The following TBCD variants were observed in gnomAD, a reference collection of about 807,000 sequenced individuals.
The protein encoded by TBCD is tubulin folding cofactor D.
TBCD carries 105 observed loss-of-function variants against 169.3 expected under a neutral mutation model. The ratio of observed to expected loss-of-function variants is 0.62; its 90% CI spans 0.53 to 0.73. The LOEUF (loss-of-function observed/expected upper bound fraction) is 0.73. Ranked by LOEUF, TBCD falls within the 30% of genes least tolerant of loss-of-function variation. The pLI is 0.00. For synonymous variants in TBCD, 700 were observed against 643.9 expected (o/e 1.09, Z -1.32); for missense variants, 1,444 against 1,600.1 (o/e 0.90, Z 1.66).
chr17:82,797,774 T>C lies in TBCD; in HGVS notation c.789T>C (p.His263=), dbSNP rs1390640311. 1 of 1,567,622 alleles carries C rather than the reference T, an allele frequency of 6.4e-7. No individual in the cohort carries two copies. The highest frequency in any genetic ancestry group is 8.6e-7 in the Non-Finnish European group (1 of 1,162,048). ...TTTTTTAGGCACAAATATTTAAACA[T>C]GGAAAACGTGAAGACTGTTTGCCCT... ...TLQALAQIFK[H]GKREDCLPYA... Residue 263 remains histidine (H), a synonymous_variant, in exon 8 of 39, where the codon CAT becomes CAC. Transcript: ENST00000355528.
intron 7 of TBCD, among the ~76,000 whole-genome samples, chr17:82,793,973 G>A (rs2049928638): frequency 6.6e-6 from 1 of 152,202 alleles, no homozygotes; most frequent in Non-Finnish European, 1.5e-5. Context: ...GGGCCACAGG[G>A]TGACCCGCTG....
chr17:82,832,520 T>C lies in TBCD; in HGVS notation c.1318+17586T>C. The C allele has an allele frequency of 6.9e-7, 1 of 1,443,964 alleles. No homozygotes were observed. Among genetic ancestry groups the C allele is most frequent in the Non-Finnish European group, 9.6e-7 (1 of 1,039,616 alleles). 89.4% of individuals were successfully genotyped at this position (1,443,964 alleles called of 1,614,324 possible). ...TGATCACTGTCGACGCCGCGTGCAC[T>C]TCGTGGTTTCTAAAGAGGCACCTCC... is the stretch of plus-strand genomic sequence containing the variant. On this transcript the variant is annotated intron_variant, in intron 13 of 38. Transcript: ENST00000355528. The surrounding 1 kb of genome is among the most constrained non-coding windows in gnomAD (Gnocchi z 4.9).
intron 38 of TBCD, 192 bp from the exon 39 acceptor site, chr17:82,942,257 C>T (rs931563763): frequency 8.0e-5 from 55 of 689,954 alleles, no homozygotes; most frequent in East Asian, 1.9e-4. Context: ...GGTGCCCTTC[C>T]GAGGACACGT....
At chr17:82,858,758 G>A (rs1342293045) in intron 13 of TBCD, 13 of 619,348 alleles carry the variant, frequency 2.1e-5, no homozygotes, top group South Asian at 1.4e-4. Flanking sequence ...AGGGCCTGTC[G>A]GTGTGAACGG....
Position 82,831,914 on chromosome 17 carries a change from T to C in TBCD, c.1318+16980T>C. On this transcript the variant is annotated intron_variant, in intron 13 of 38. Transcript: ENST00000355528. The surrounding 1 kb of genome is among the most constrained non-coding windows in gnomAD (Gnocchi z 4.6). Reference sequence around the variant, plus strand: ...GCAGTGGGGTTGTGTAAAGCCAGTGTCTCGGGCGCCTCGGCGTTGTCTGGC... The same window carrying C: ...GCAGTGGGGTTGTGTAAAGCCAGTGCCTCGGGCGCCTCGGCGTTGTCTGGC... The C allele has an allele frequency of 6.2e-7, 1 of 1,614,178 alleles. No homozygotes were observed. The highest frequency in any genetic ancestry group is 8.5e-7 in the Non-Finnish European group (1 of 1,180,030).
At chr17:82,892,270 G>A (rs538404313) in intron 16 of TBCD, among the ~76,000 whole-genome samples, 8 of 152,238 alleles carry the variant, frequency 5.3e-5, no homozygotes, top group Admixed American at 3.9e-4. Context: ...GCTGTGATGT[G>A]GGGCATGGAG....
chr17:82,924,242 C>T (rs2061586575), intron 26 of TBCD, among the ~76,000 whole-genome samples: 1 of 152,224 alleles, frequency 6.6e-6, no homozygotes, highest in Non-Finnish European at 1.5e-5. Flanking sequence ...GTGTGAGCCA[C>T]TGCACTCGGT....
intron 13 of TBCD, among the ~76,000 whole-genome samples, chr17:82,859,026 G>T (rs1404834852): frequency 6.6e-6 from 1 of 152,246 alleles, no homozygotes; most frequent in African/African-American, 2.4e-5. Context: ...GTCTTTGCTC[G>T]GGGCCCCGAG....
chr17:82,942,111 G>C (rs905034325), intron 38 of TBCD: 1 of 442,156 alleles, frequency 2.3e-6, no homozygotes, highest in African/African-American at 2.0e-5. Flanking sequence ...CCCCATTTCT[G>C]TGTGTGTAAA....
intron 32 of TBCD, 62 bp downstream of exon 32, chr17:82,929,562 G>C: frequency 1.3e-6 from 2 of 1,592,006 alleles, no homozygotes; most frequent in East Asian, 2.2e-5. Context: ...GTGCTTCCCT[G>C]TCTCTTGGGA....
chr17:82,791,091 C>CT (rs35648641), intron 7 of TBCD, among the ~76,000 whole-genome samples: 60,399 of 124,482 alleles, frequency 0.49, 15,800 homozygotes, highest in South Asian at 0.61. Flanking sequence ...TCTCTTGCAT[C>CT]TTTTTTTTTT....
At chr17:82,919,781 C>T (rs1002793249) in intron 23 of TBCD, among the ~76,000 whole-genome samples, 1 of 152,078 alleles carries the variant, frequency 6.6e-6, no homozygotes, top group East Asian at 1.9e-4. Flanking sequence ...GTATCTGTGA[C>T]GATGGGAAGT....
chr17:82,907,238 G>C (rs964348222), intron 20 of TBCD, among the ~76,000 whole-genome samples: 2 of 152,252 alleles, frequency 1.3e-5, no homozygotes, highest in Non-Finnish European at 2.9e-5. Flanking sequence ...GATCTCGCCA[G>C]GGACCTTCCC....
intron 8 of TBCD, among the ~76,000 whole-genome samples, chr17:82,800,123 T>C (rs1010142286): frequency 3.3e-5 from 5 of 151,624 alleles, no homozygotes; most frequent in African/African-American, 1.2e-4. Context: ...TCTTTTCTCC[T>C]GTCCCCTGTC....
rs1250199188 is a variant in TBCD, at chr17:82,789,384, G to A, written c.771+7663G>A. On this transcript the variant is annotated intron_variant, in intron 7 of 38. Transcript: ENST00000355528. The surrounding 1 kb of genome is among the most constrained non-coding windows in gnomAD (Gnocchi z 4.8). ...TGGCGCGACCTGCTCACAGACGTGT[G>A]CTCACAGGCAGCCCGTCGCGGGGTC... is the stretch of plus-strand genomic sequence containing the variant. Among the ~76,000 whole-genome samples, 1 of 152,222 alleles carries A rather than the reference G, an allele frequency of 6.6e-6. No homozygotes were observed. Among genetic ancestry groups the A allele is most frequent in the Non-Finnish European group, 1.5e-5 (1 of 68,034 alleles).
intron 17 of TBCD, among the ~76,000 whole-genome samples, chr17:82,899,235 A>ATGTCCTCAGCGCACG (rs1376276147): frequency 4.4e-5 from 6 of 135,470 alleles, no homozygotes; most frequent in Admixed American, 1.5e-4. Context: ...TCCTCAGCGC[A>ATGTCCTCAGCGCACG]TGTCCTCAGC....
At position 82,884,187 on chromosome 17, in the gene TBCD, C is replaced by T; in HGVS notation, c.1518C>T (p.Cys506=). The change falls in exon 15 of 39, where the codon TGC becomes TGT. Residue 506 remains cysteine, a synonymous_variant. Transcript: ENST00000355528. This position sits in a 1 kb window ranked among gnomAD's most constrained non-coding sequence, Gnocchi z 4.2. ...CGGTGTTTGACCGAGACATAAACTG[C>T]AGAAGAGCAGCCTCTGTAAGTTTTC... ...IAAVFDRDIN[C]RRAASAAFQE... is the part of the protein sequence containing the mutation. 1 of 1,610,124 alleles carries T rather than the reference C, an allele frequency of 6.2e-7. No homozygotes were observed. The highest frequency in any genetic ancestry group is 1.1e-5 in the South Asian group (1 of 90,196).
At chr17:82,822,831 T>C (rs1372991779) in intron 13 of TBCD, among the ~76,000 whole-genome samples, 4 of 152,180 alleles carry the variant, frequency 2.6e-5, no homozygotes, top group Admixed American at 2.6e-4. Flanking sequence ...GCCTTCCACA[T>C]AGTAATGGTC....
At chr17:82,935,074 T>A (rs574275580) in intron 34 of TBCD, among the ~76,000 whole-genome samples, 574 of 37,798 alleles carry the variant, frequency 0.015, 3 homozygotes, top group African/African-American at 0.042. Flanking sequence ...AAAAAAAAAA[T>A]TTTTTTTCCA....
Sources: gnomAD v4.1 joint callset for allele counts (sites outside exome capture counted in the v4.1 genomes callset) on GRCh38, gnomAD v4.1.1 for gene constraint, Gnocchi (gnomAD v3.1) non-coding constraint, MANE v1.5 for transcripts, NCBI Gene and HGNC (gene_info 2026-07-23, HGNC 2026-07-21) for gene names.